Variants in LYZL1 observed in about 807,000 individuals in gnomAD.
The protein encoded by LYZL1 is lysozyme-like protein 1.
LYZL1 carries 16 observed loss-of-function variants against 17.9 expected under a neutral mutation model. That is an observed-to-expected ratio of 0.90 (90% CI 0.61 to 1.36). LYZL1 has a LOEUF of 1.36. Among genes scored for constraint, LYZL1 ranks in the 40% most tolerant of loss-of-function variants. The probability of loss-of-function intolerance (pLI) is 0.00; values close to 1 mark genes in which losing one functional copy is unlikely to be tolerated. For synonymous variants in LYZL1, 58 were observed against 71.8 expected, an observed-to-expected ratio of 0.81 and a Z score of 0.97; for missense variants, 149 against 188.4, an observed-to-expected ratio of 0.79 and a Z score of 1.22.
chr10:29,311,297 C>T, downstream of LYZL1: 1 of 1,305,066 alleles, frequency 7.7e-7, no homozygotes, highest in Non-Finnish European at 9.9e-7. Flanking sequence ...CTCCACAATG[C>T]TCTAGCCTTG....
In LYZL1 at chr10:29,311,098, A is replaced by G. The variant is rs1166760366; in HGVS notation, c.*39A>G. The G allele has an allele frequency of 3.7e-6, 6 of 1,614,092 alleles. No homozygotes were observed. Among genetic ancestry groups the G allele is most frequent in the Middle Eastern group, 1.7e-4 (1 of 6,058 alleles). ...CCAGGATGCTTTGCAGCAACGCCCT[A>G]GGATTTGCAGTGAATGTCCAAATGC... On this transcript the variant is annotated 3_prime_UTR_variant, in exon 5 of 5. Transcript: ENST00000649382.
downstream of LYZL1, among the ~76,000 whole-genome samples, chr10:29,315,251 TG>T (rs1334887805): frequency 6.6e-6 from 1 of 152,210 alleles, no homozygotes; most frequent in Non-Finnish European, 1.5e-5. Context: ...GGCTCACGCC[TG>T]TAATCCCAGC....
chr10:29,292,367 T>C, intron 2 of LYZL1, 152 bp from the exon 3 acceptor site: 2 of 1,204,838 alleles, frequency 1.7e-6, no homozygotes, highest in Non-Finnish European at 2.3e-6. Flanking sequence ...GTGCCCCTCG[T>C]GTGCCCCCTG....
At chr10:29,311,871 G>A (rs982196717), downstream of LYZL1, among the ~76,000 whole-genome samples, 2 of 152,036 alleles carry the variant, frequency 1.3e-5, no homozygotes, top group Non-Finnish European at 2.9e-5. Flanking sequence ...CCAGCTACTC[G>A]GGAGGCTGAG....
intron 3 of LYZL1, among the ~76,000 whole-genome samples, chr10:29,296,599 T>C (rs966801307): frequency 1.3e-5 from 2 of 152,180 alleles, no homozygotes; most frequent in Non-Finnish European, 2.9e-5. Context: ...TCTTTGAGGT[T>C]GAGAGCTCCA....
chr10:29,309,691 T>G (rs1835644280), intron 3 of LYZL1, among the ~76,000 whole-genome samples: 1 of 152,152 alleles, frequency 6.6e-6, no homozygotes, highest in Non-Finnish European at 1.5e-5. Flanking sequence ...AGATGGGATC[T>G]TGCTACGTTG....
intron 2 of LYZL1, among the ~76,000 whole-genome samples, chr10:29,292,222 C>A (rs1256400291): frequency 1.3e-5 from 2 of 150,280 alleles, no homozygotes; most frequent in Admixed American, 6.7e-5. Flanking sequence ...GTCCTTATGA[C>A]ACTAGCCAGG....
rs11007514 is a variant in LYZL1, at chr10:29,292,598, C to T, written c.219C>T (p.Gly73=). 0.078 allele frequency: 125,206 copies of T among 1,614,078 alleles called. 5,452 individuals carry two copies. Among genetic ancestry groups the T allele is most frequent in the African/African-American group, 0.17 (12,853 of 75,032 alleles). The change falls in exon 3 of 5, where the codon GGC becomes GGT. Residue 73 remains glycine, a synonymous_variant. Transcript: ENST00000649382. ...TGGATGACGGCAGCATCGACTATGGCATCTTCCAGATCAACAGCTTCGCGT... is the reference window on the plus strand; with the variant it reads ...TGGATGACGGCAGCATCGACTATGGTATCTTCCAGATCAACAGCTTCGCGT... ...TVLDDGSIDY[G]IFQINSFAWC... is the part of the protein sequence containing the mutation.
intron 3 of LYZL1, among the ~76,000 whole-genome samples, chr10:29,295,295 T>G (rs766470902): frequency 6.6e-6 from 1 of 152,246 alleles, no homozygotes. Context: ...TCAAAACAAG[T>G]TTGCTTTATG....
rs1835401142 is a variant in LYZL1, at chr10:29,293,207, A to G, written c.298+530A>G. 3.0e-5 allele frequency among the ~76,000 whole-genome samples: 4 copies of G among 132,130 alleles called. No individual in the cohort carries two copies. In the South Asian group the frequency reaches 9.2e-4, roughly 30 times the overall value. The allele number at this position is 132,130 out of a possible 152,430, so 86.7% of individuals were successfully genotyped here. A position where few individuals can be genotyped will look rare whatever the true frequency, so the allele number is the denominator to read the frequency against. On this transcript the variant is annotated intron_variant, in intron 3 of 4. Coordinates refer to ENST00000649382, the MANE Select transcript of LYZL1 (RefSeq NM_032517.6). Reference sequence around the variant, plus strand: ...GAATGCAGTGATGTGATCATAGCTCATTGCAGTCTTGACCTCCAGGCCCCA... The same window carrying G: ...GAATGCAGTGATGTGATCATAGCTCGTTGCAGTCTTGACCTCCAGGCCCCA...
chr10:29,302,665 G>A (rs1156620149), intron 3 of LYZL1, among the ~76,000 whole-genome samples: 2 of 152,176 alleles, frequency 1.3e-5, no homozygotes, highest in African/African-American at 2.4e-5. Context: ...TTCCCTACAG[G>A]GGAAATTCCC....
At chr10:29,297,588 A>C (rs1270435850) in intron 3 of LYZL1, among the ~76,000 whole-genome samples, 1 of 152,210 alleles carries the variant, frequency 6.6e-6, no homozygotes, top group South Asian at 2.1e-4. Context: ...CTGGATATAA[A>C]TTATTTCTTT....
intron 3 of LYZL1, among the ~76,000 whole-genome samples, chr10:29,306,809 T>TGTGA: frequency 1.4e-5 from 2 of 140,024 alleles, no homozygotes; most frequent in East Asian, 4.2e-4. Flanking sequence ...TGTGTGTGTG[T>TGTGA]GTGTGTGTGT....
chr10:29,303,416 C>A (rs147564540), intron 3 of LYZL1, among the ~76,000 whole-genome samples: 1 of 152,048 alleles, frequency 6.6e-6, no homozygotes, highest in Non-Finnish European at 1.5e-5. Flanking sequence ...TGTCCATATC[C>A]GAAAACAATT....
intron 3 of LYZL1, among the ~76,000 whole-genome samples, chr10:29,316,695 T>C (rs1301364973): frequency 1.3e-5 from 2 of 149,626 alleles, no homozygotes; most frequent in Admixed American, 1.4e-4. Context: ...TTTCTTTTTC[T>C]TTTTCCTTTT....
downstream of LYZL1, among the ~76,000 whole-genome samples, chr10:29,315,799 T>C (rs4564231): frequency 0.044 from 6,682 of 151,270 alleles, 166 homozygotes; most frequent in Middle Eastern, 0.12. Flanking sequence ...CAGTGAGCTC[T>C]GACCGTACCA....
At chr10:29,300,091 T>A (rs1160927042) in intron 3 of LYZL1, among the ~76,000 whole-genome samples, 1 of 152,194 alleles carries the variant, frequency 6.6e-6, no homozygotes, top group Non-Finnish European at 1.5e-5. Flanking sequence ...ACAGGAGGTT[T>A]TCCTGTGGGA....
chr10:29,309,447 A>G (rs540234192), intron 3 of LYZL1, among the ~76,000 whole-genome samples: 1 of 152,362 alleles, frequency 6.6e-6, no homozygotes, highest in East Asian at 1.9e-4. Context: ...AAGAGAACTT[A>G]TATGTCAAAC....
At chr10:29,314,918 C>G (rs10763710), downstream of LYZL1, among the ~76,000 whole-genome samples, 5 of 151,892 alleles carry the variant, frequency 3.3e-5, no homozygotes, top group South Asian at 2.1e-4. Context: ...AGTGACAGAA[C>G]GTGTCCTAGT....
Sources: gnomAD v4.1 joint callset for allele counts (sites outside exome capture counted in the v4.1 genomes callset) on GRCh38, gnomAD v4.1.1 for gene constraint, MANE v1.5 for transcripts, NCBI Gene and HGNC (gene_info 2026-07-23, HGNC 2026-07-21) for gene names.